The following AGBL5 variants were observed in gnomAD, a reference collection of about 807,000 sequenced individuals.
The protein encoded by AGBL5 is AGBL carboxypeptidase 5, also known as cytosolic carboxypeptidase-like protein 5.
Under a neutral mutation model 88.0 loss-of-function variants are expected in AGBL5, and 51 were observed. That is an observed-to-expected ratio of 0.58 (90% CI 0.46 to 0.73). AGBL5 has a LOEUF of 0.73. AGBL5 is among the 30% of genes least tolerant of loss of function. The probability of loss-of-function intolerance (pLI) is 0.00; values close to 1 mark genes in which losing one functional copy is unlikely to be tolerated. For synonymous variants in AGBL5, 446 were observed against 438.8 expected, an observed-to-expected ratio of 1.02 and a Z score of -0.21; for missense variants, 1,031 against 1,162.2, an observed-to-expected ratio of 0.89 and a Z score of 1.64.
chr2:27,068,017 C>T (rs1157443603), intron 12 of AGBL5, among the ~76,000 whole-genome samples: 1 of 152,226 alleles, frequency 6.6e-6, no homozygotes, highest in East Asian at 1.9e-4. Context: ...GTACTTTCTC[C>T]TGTCAACACT....
At chr2:27,061,425 C>T (rs772983387) in intron 11 of AGBL5, among the ~76,000 whole-genome samples, 25 of 152,102 alleles carry the variant, frequency 1.6e-4, no homozygotes, top group Non-Finnish European at 2.5e-4. Flanking sequence ...TTAGTAGAGA[C>T]GGGGTTTCAC....
chr2:27,058,370 C>CATG, intron 9 of AGBL5, 30 bp from the exon 10 acceptor site: 1 of 1,611,410 alleles, frequency 6.2e-7, no homozygotes, highest in Non-Finnish European at 8.5e-7. Context: ...GGAGGACCAG[C>CATG]ATGCTGAGCC....
intron 8 of AGBL5, 62 bp from the exon 9 acceptor site, chr2:27,057,241 C>G: frequency 6.5e-7 from 1 of 1,527,432 alleles, no homozygotes; most frequent in Non-Finnish European, 8.8e-7. Context: ...CTAAGTTGTC[C>G]TCTATGGTTC....
intron 7 of AGBL5, 173 bp downstream of exon 7, chr2:27,056,311 T>C (rs1668432069): frequency 3.0e-6 from 2 of 660,106 alleles, no homozygotes; most frequent in African/African-American, 3.6e-5. Context: ...AGGGGGATAA[T>C]GTCTCAATTG....
chr2:27,053,494 C>G lies in AGBL5; in HGVS notation c.308C>G (p.Ser103Cys). 6.2e-7 allele frequency: 1 copy of G among 1,614,150 alleles called. No homozygotes were observed. The highest frequency in any genetic ancestry group is 8.5e-7 in the Non-Finnish European group (1 of 1,180,046). Residue 103 changes from serine to cysteine, a missense_variant, in exon 3 of 15, where the codon TCC becomes TGC. Around this residue, in one of 2 missense-constraint regions of AGBL5, gnomAD observed 540 missense variants for 678.2 expected, o/e 0.80. Coordinates refer to ENST00000360131, the MANE Select transcript of AGBL5 (RefSeq NM_021831.6). The surrounding 1 kb of genome is among the most constrained non-coding windows in gnomAD (Gnocchi z 4.9). ...ATGAACAAGCAGAGCAAGCTGTATT[C>G]CCAGGGCATGGCCCCCTTTGTGCGC... ...MNMNKQSKLY[S>C]QGMAPFVRTL... is the part of the protein sequence containing the mutation.
At chr2:27,051,453 C>CCCGCCTCCCGGCAGGCAGGCCGTTAA (rs1668136943), upstream of AGBL5, 1 of 152,260 alleles carries the variant, frequency 6.6e-6, no homozygotes, top group South Asian at 2.1e-4. Flanking sequence ...CTTTATCTTT[C>CCCGCCTCCCGGCAGGCAGGCCGTTAA]CCGCCTCCCG....
intron 11 of AGBL5, among the ~76,000 whole-genome samples, chr2:27,063,554 T>G (rs533646262): frequency 3.8e-3 from 559 of 145,818 alleles, no homozygotes; most frequent in Non-Finnish European, 6.3e-3. Flanking sequence ...CAGATCGCGC[T>G]ACTGCACTCC....
Position 27,053,124 on chromosome 2 carries a change from G to C in AGBL5, c.166G>C (p.Val56Leu), listed in dbSNP as rs1377711164. 1 of 1,612,290 alleles carries C rather than the reference G, an allele frequency of 6.2e-7. No individual in the cohort carries two copies. Among genetic ancestry groups the C allele is most frequent in the Non-Finnish European group, 8.5e-7 (1 of 1,178,906 alleles). The change falls in exon 2 of 15, where the codon GTG becomes CTG. Residue 56 changes from valine to leucine, a missense_variant. This residue lies in a region of AGBL5 where 540 missense variants were observed against 678.2 expected (regional missense o/e 0.80). Coordinates refer to ENST00000360131, the MANE Select transcript of AGBL5 (RefSeq NM_021831.6). This position sits in a 1 kb window ranked among gnomAD's most constrained non-coding sequence, Gnocchi z 4.9. ...IASSPDYEFN[V>L]WTRPDCAETE... Reference sequence around the variant, plus strand: ...CTCTTCCCCTGACTATGAATTCAACGTGTGGACCCGACCAGACTGTGCTGA... The same window carrying C: ...CTCTTCCCCTGACTATGAATTCAACCTGTGGACCCGACCAGACTGTGCTGA...
chr2:27,067,005 C>T lies in AGBL5; in HGVS notation c.2090-489C>T, dbSNP rs1433433546. ...GCCTGAGGCAGGAGAATCGCTTGAA[C>T]CCGGGAGGCGGAGGTTGCAGTGAAC... On this transcript the variant is annotated intron_variant, in intron 11 of 14. Transcript: ENST00000360131. 2.6e-5 allele frequency among the ~76,000 whole-genome samples: 4 copies of T among 151,686 alleles called. No individual in the cohort carries two copies. In the East Asian group the frequency reaches 7.8e-4, roughly 29 times the overall value.
At position 27,053,339 on chromosome 2, in the gene AGBL5, T is replaced by C; in HGVS notation, c.216-63T>C. ...TTCCCAGTTTGGCTGGCTCCGGCTCTCCCACAGACCATATCTCCAACCCTT... is the reference window on the plus strand; with the variant it reads ...TTCCCAGTTTGGCTGGCTCCGGCTCCCCCACAGACCATATCTCCAACCCTT... On this transcript the variant is annotated intron_variant, in intron 2 of 14. Transcript: ENST00000360131. This position sits in a 1 kb window ranked among gnomAD's most constrained non-coding sequence, Gnocchi z 4.9. 3.2e-6 allele frequency: 5 copies of C among 1,571,828 alleles called. No homozygotes were observed. The South Asian group carries it at 6.0e-5, about 19-fold the overall frequency.
At position 27,069,591 on chromosome 2, in the gene AGBL5, C is replaced by T. The variant is rs1387767975; in HGVS notation, c.2374C>T (p.Arg792Trp). The T allele has an allele frequency of 8.7e-6, 14 of 1,614,102 alleles. No homozygotes were observed. The East Asian group carries it at 1.6e-4, about 18-fold the overall frequency. Residue 792 changes from arginine (R) to tryptophan (W), a missense_variant, in exon 14 of 15, where the codon CGG becomes TGG. Around this residue, in one of 2 missense-constraint regions of AGBL5, gnomAD observed 491 missense variants for 484.0 expected, o/e 1.01. Transcript: ENST00000360131. ...CACACAGGCTAGGCCCAGGTTGGGC[C>T]GGGGCTCACCGCCGACTCGCAGAGG... is the stretch of plus-strand genomic sequence containing the variant. ...TRLQARPRLG[R>W]GSPPTRRGMK...
rs2148267654 is a variant in AGBL5 at position 27,053,074 on chromosome 2, C to T, written c.116C>T (p.Ala39Val). The change falls in exon 2 of 15, where the codon GCG becomes GTG. Residue 39 changes from alanine to valine, a missense_variant. Ala to Val is a moderately conservative substitution (Grantham distance 64). Coordinates refer to ENST00000360131, the MANE Select transcript of AGBL5 (RefSeq NM_021831.6). The surrounding 1 kb of genome is among the most constrained non-coding windows in gnomAD (Gnocchi z 4.9). Reference protein sequence around the residue: ...SSDGEGVGGGASALTSGIASS... With the variant: ...SSDGEGVGGGVSALTSGIASS... ...GATGGGGAAGGGGTAGGAGGTGGGG[C>T]GTCAGCCCTGACCAGTGGCATTGCC... 1 of 1,613,596 alleles carries T rather than the reference C, an allele frequency of 6.2e-7. No homozygotes were observed. Among genetic ancestry groups the T allele is most frequent in the Non-Finnish European group, 8.5e-7 (1 of 1,179,766 alleles).
At chr2:27,069,758 T>G (rs1669186868) in intron 14 of AGBL5, 52 bp downstream of exon 14, 1 of 1,562,802 alleles carries the variant, frequency 6.4e-7, no homozygotes, top group African/African-American at 1.4e-5. Context: ...TGTCCCCTCA[T>G]TCCCATTTCT....
upstream of AGBL5, among the ~76,000 whole-genome samples, chr2:27,050,743 G>A (rs1668040790): frequency 6.6e-6 from 1 of 152,216 alleles, no homozygotes; most frequent in African/African-American, 2.4e-5. Flanking sequence ...GTTGCGGTAA[G>A]CATTAGAGGG....
Position 27,058,608 on chromosome 2 carries a change from G to A in AGBL5, c.1874+6G>A. 1 of 1,613,780 alleles carries A rather than the reference G, an allele frequency of 6.2e-7. No homozygotes were observed. Among genetic ancestry groups the A allele is most frequent in the Middle Eastern group, 1.7e-4 (1 of 5,908 alleles). On this transcript the variant is annotated splice_donor_region_variant and intron_variant, in intron 10 of 14. Transcript: ENST00000360131. ...ACTCCACCCAAAAGTCACAAGTAAG[G>A]CCAGCAAAATAGGAGGGAGAAAGGG...
intron 11 of AGBL5, among the ~76,000 whole-genome samples, chr2:27,064,647 A>C (rs1668888145): frequency 6.7e-6 from 1 of 150,330 alleles, no homozygotes; most frequent in African/African-American, 2.5e-5. Context: ...TCTCCTCATA[A>C]TAGAGTAGCT....
At chr2:27,058,352 C>T (rs569516118) in intron 9 of AGBL5, 48 bp from the exon 10 acceptor site, 1 of 1,605,292 alleles carries the variant, frequency 6.2e-7, no homozygotes, top group African/African-American at 1.3e-5. Flanking sequence ...AAGGTAGCAG[C>T]CTGGATGGGA....
intron 10 of AGBL5, 60 bp from the exon 11 acceptor site, chr2:27,059,130 G>A (rs1191854697): frequency 1.3e-6 from 2 of 1,510,828 alleles, no homozygotes; most frequent in East Asian, 4.5e-5. Context: ...GCAGATCCTA[G>A]GGAAAGCCTT....
At chr2:27,062,045 C>A (rs908453731) in intron 11 of AGBL5, among the ~76,000 whole-genome samples, 1 of 151,830 alleles carries the variant, frequency 6.6e-6, no homozygotes, top group African/African-American at 2.4e-5. Flanking sequence ...AACTCCTGAC[C>A]TCAGGCGGAT....
Sources: allele counts gnomAD v4.1 joint callset (sites outside exome capture counted in the v4.1 genomes callset), GRCh38; gene constraint gnomAD v4.1.1; regional missense constraint gnomAD v4.1.1; non-coding constraint Gnocchi (gnomAD v3.1); transcripts MANE v1.5; gene names NCBI Gene and HGNC (gene_info 2026-07-23, HGNC 2026-07-21).